Variants in COL25A1 observed in about 807,000 individuals in gnomAD.
The protein encoded by COL25A1 is collagen alpha-1(XXV) chain.
Under a neutral mutation model 128.4 loss-of-function variants are expected in COL25A1, and 103 were observed. The ratio of observed to expected loss-of-function variants is 0.80; its 90% CI spans 0.68 to 0.94. The LOEUF (loss-of-function observed/expected upper bound fraction) is 0.94, where lower values mean the gene tolerates loss of function less well. Ranked by LOEUF, COL25A1 falls within the 40% of genes least tolerant of loss-of-function variation. The pLI, the probability that COL25A1 is intolerant of heterozygous loss-of-function variation, is 0.00. For missense variants in COL25A1, 745 were observed against 840.0 expected (o/e 0.89, Z 1.40); for synonymous variants, 279 against 277.2 (o/e 1.01, Z -0.06).
At chr4:108,889,959 T>C (rs1741294248) in intron 16 of COL25A1, among the ~76,000 whole-genome samples, 1 of 152,196 alleles carries the variant, frequency 6.6e-6, no homozygotes, top group African/African-American at 2.4e-5. Context: ...ATTTCCAAGA[T>C]AAACAATGTA....
intron 31 of COL25A1, chr4:108,834,350 C>T (rs1560718814): frequency 9.0e-6 from 14 of 1,550,378 alleles, no homozygotes; most frequent in African/African-American, 1.4e-5. Flanking sequence ...AAGGGACTGA[C>T]TCACCCGGGA....
intron 3 of COL25A1, among the ~76,000 whole-genome samples, chr4:109,094,798 A>G (rs1213223647): frequency 6.6e-6 from 1 of 152,248 alleles, no homozygotes; most frequent in Non-Finnish European, 1.5e-5. Flanking sequence ...CCAAAAGTCA[A>G]AATAAGTCTA....
chr4:108,868,259 T>C (rs1179086106), intron 20 of COL25A1, among the ~76,000 whole-genome samples: 1 of 152,118 alleles, frequency 6.6e-6, no homozygotes, highest in Non-Finnish European at 1.5e-5. Flanking sequence ...AACTGAAATA[T>C]TTCACCATCC....
At chr4:109,104,127 C>T (rs1766168635) in intron 3 of COL25A1, among the ~76,000 whole-genome samples, 2 of 152,062 alleles carry the variant, frequency 1.3e-5, no homozygotes, top group Admixed American at 1.3e-4. Context: ...AATTGCAACA[C>T]TTTGGGAAGC....
intron 11 of COL25A1, 78 bp downstream of exon 11, chr4:108,937,730 A>T: frequency 8.3e-7 from 1 of 1,204,544 alleles, no homozygotes. Flanking sequence ...TATGACAGAT[A>T]CATTCATCAC....
chr4:108,900,445 A>G (rs1400836129), intron 14 of COL25A1, among the ~76,000 whole-genome samples: 4 of 152,216 alleles, frequency 2.6e-5, no homozygotes, highest in Admixed American at 2.0e-4. Context: ...TGATGGGATT[A>G]AACATTAGTT....
At chr4:109,029,400 C>T (rs1228570654) in intron 5 of COL25A1, among the ~76,000 whole-genome samples, 5 of 152,212 alleles carry the variant, frequency 3.3e-5, no homozygotes, top group Admixed American at 3.3e-4. Flanking sequence ...ACGTCATTCA[C>T]CTCACTTCCT....
intron 3 of COL25A1, among the ~76,000 whole-genome samples, chr4:109,068,829 AC>A (rs1236735890): frequency 6.6e-6 from 1 of 152,208 alleles, no homozygotes; most frequent in African/African-American, 2.4e-5. Context: ...TACAGTTAAA[AC>A]AGAGAAAAGA....
Position 108,811,429 on chromosome 4 carries a change from A to T in COL25A1, c.*2498T>A, listed in dbSNP as rs1270060954. On this transcript the variant is annotated 3_prime_UTR_variant, in exon 38 of 38. Coordinates refer to ENST00000399132, the MANE Select transcript of COL25A1 (RefSeq NM_198721.4). Reference sequence around the variant, plus strand: ...TCTTTGAAGGGCTGTATTTCAAAAAATTTTTTTATACATAAAGTGTTTTTC... The same window carrying T: ...TCTTTGAAGGGCTGTATTTCAAAAATTTTTTTTATACATAAAGTGTTTTTC... 6.6e-6 allele frequency: 1 copy of T among 152,092 alleles called. No homozygotes were observed. The highest frequency in any genetic ancestry group is 2.4e-5 in the African/African-American group (1 of 41,446). The allele number at this position is 152,092 out of a possible 1,614,324, so 9.4% of individuals were successfully genotyped here.
intron 37 of COL25A1, among the ~76,000 whole-genome samples, chr4:108,814,733 T>C (rs1044693995): frequency 6.6e-6 from 1 of 152,206 alleles, no homozygotes; most frequent in African/African-American, 2.4e-5. Context: ...TTTTGAACGC[T>C]GCTGTGTTTA....
chr4:109,013,440 G>C (rs1756864697), intron 5 of COL25A1, among the ~76,000 whole-genome samples: 1 of 152,158 alleles, frequency 6.6e-6, no homozygotes, highest in African/African-American at 2.4e-5. Flanking sequence ...GAGAATAAAA[G>C]CAGGCTGCCT....
At chr4:108,870,930 T>C (rs1738632499) in intron 19 of COL25A1, among the ~76,000 whole-genome samples, 1 of 152,010 alleles carries the variant, frequency 6.6e-6, no homozygotes, top group South Asian at 2.1e-4. Context: ...GAAAAACAAA[T>C]AGATGCACCA....
intron 19 of COL25A1, 121 bp from the exon 20 acceptor site, chr4:108,869,271 T>C (rs1386913943): frequency 8.5e-6 from 5 of 586,030 alleles, no homozygotes; most frequent in Non-Finnish European, 1.4e-5. Context: ...CCTGGTTGTA[T>C]ACAGCTTTCT....
intron 3 of COL25A1, among the ~76,000 whole-genome samples, chr4:109,143,795 A>G (rs1164162165): frequency 6.6e-6 from 1 of 152,166 alleles, no homozygotes; most frequent in Non-Finnish European, 1.5e-5. Context: ...CAATTCCTCT[A>G]ACCCTTTTTC....
chr4:108,870,843 T>C (rs1738620883), intron 19 of COL25A1, among the ~76,000 whole-genome samples: 1 of 152,198 alleles, frequency 6.6e-6, no homozygotes, highest in Non-Finnish European at 1.5e-5. Context: ...GTAATGCAAG[T>C]TAATATGTTG....
rs79876171 is a variant in COL25A1 at position 109,107,653 on chromosome 4, T to C, written c.368-57474A>G. On this transcript the variant is annotated intron_variant, in intron 3 of 37. Coordinates refer to ENST00000399132, the MANE Select transcript of COL25A1 (RefSeq NM_198721.4). ...TTTCATCATGTGATTTTACATAAAATAGACGGAGAAATTAGAGATGCCAGC... is the reference window on the plus strand; with the variant it reads ...TTTCATCATGTGATTTTACATAAAACAGACGGAGAAATTAGAGATGCCAGC... 3.2e-3 allele frequency among the ~76,000 whole-genome samples: 484 copies of C among 152,284 alleles called. 3 individuals carry two copies. The highest frequency in any genetic ancestry group is 0.011 in the African/African-American group (457 of 41,574).
chr4:109,295,234 T>C (rs1017388097), intron 3 of COL25A1, among the ~76,000 whole-genome samples: 1 of 152,100 alleles, frequency 6.6e-6, no homozygotes, highest in Admixed American at 6.6e-5. Flanking sequence ...AACAAGAACA[T>C]TGCTTCAAGA....
At chr4:109,104,849 G>C (rs887690805) in intron 3 of COL25A1, among the ~76,000 whole-genome samples, 5 of 152,146 alleles carry the variant, frequency 3.3e-5, no homozygotes, top group African/African-American at 1.2e-4. Flanking sequence ...CAATCAGAAA[G>C]AGGAAAACAC....
intron 24 of COL25A1, among the ~76,000 whole-genome samples, chr4:108,854,717 T>C (rs1439748886): frequency 6.6e-6 from 1 of 152,104 alleles, no homozygotes; most frequent in Non-Finnish European, 1.5e-5. Context: ...AAACAACAGA[T>C]GCTGAAAAGG....
Sources: gnomAD v4.1 joint callset for allele counts (sites outside exome capture counted in the v4.1 genomes callset) on GRCh38, gnomAD v4.1.1 for gene constraint, MANE v1.5 for transcripts, NCBI Gene and HGNC (gene_info 2026-07-23, HGNC 2026-07-21) for gene names.